The following PALS1 variants were observed in gnomAD, a reference collection of about 807,000 sequenced individuals.
PALS1 encodes the protein protein PALS1.
PALS1 carries 31 observed loss-of-function variants against 78.9 expected under a neutral mutation model. The observed-to-expected ratio is 0.39, with a 90% CI of 0.30 to 0.53. The LOEUF (loss-of-function observed/expected upper bound fraction) is 0.53. Among genes scored for constraint, PALS1 ranks in the 20% least tolerant of loss-of-function variants. PALS1 has a pLI of 0.67. For synonymous variants in PALS1, 276 were observed against 270.9 expected (o/e 1.02, Z -0.18); for missense variants, 704 against 826.5 (o/e 0.85, Z 1.82).
intron 13 of PALS1, among the ~76,000 whole-genome samples, chr14:67,322,841 A>G (rs1300915918): frequency 6.6e-6 from 1 of 152,202 alleles, no homozygotes; most frequent in African/African-American, 2.4e-5. Context: ...ATTTTGATAG[A>G]GCGTGTCAGT....
chr14:67,269,123 A>G (rs916995481), intron 1 of PALS1, among the ~76,000 whole-genome samples: 4 of 152,138 alleles, frequency 2.6e-5, no homozygotes, highest in African/African-American at 9.7e-5. Context: ...ATCATACAGT[A>G]TGTGGTCGTG....
rs1259757256 is a variant in PALS1 at position 67,302,464 on chromosome 14, G to C, written c.856G>C (p.Gly286Arg). Residue 286 changes from glycine (G) to arginine (R), a missense_variant, in exon 7 of 15, where the codon GGG (glycine) becomes CGG (arginine). Coordinates refer to ENST00000261681, the MANE Select transcript of PALS1 (RefSeq NM_022474.4). ...TGTCATCATTAGCCGGATAGTAAAAGGGGGTGCTGCAGAGAAAAGTGGTCT... is the reference window on the plus strand; with the variant it reads ...TGTCATCATTAGCCGGATAGTAAAACGGGGTGCTGCAGAGAAAAGTGGTCT... ...DSVIISRIVKGGAAEKSGLLH... is the reference protein window; with the variant it reads ...DSVIISRIVKRGAAEKSGLLH... The C allele has an allele frequency of 1.3e-6, 2 of 1,599,380 alleles. No homozygotes were observed. The highest frequency in any genetic ancestry group is 8.5e-7 in the Non-Finnish European group (1 of 1,172,754).
At chr14:67,284,838 A>G (rs2084661483) in intron 3 of PALS1, among the ~76,000 whole-genome samples, 1 of 152,028 alleles carries the variant, frequency 6.6e-6, no homozygotes, top group Non-Finnish European at 1.5e-5. Context: ...TTTCTTTTTT[A>G]TGGATGAATT....
intron 6 of PALS1, 102 bp from the exon 7 acceptor site, chr14:67,302,308 G>A (rs2084942793): frequency 9.2e-7 from 1 of 1,091,022 alleles, no homozygotes; most frequent in Non-Finnish European, 1.2e-6. Flanking sequence ...TAAGATAACT[G>A]AAGGTTAGTA....
At chr14:67,304,405 C>T (rs1397542643) in intron 8 of PALS1, among the ~76,000 whole-genome samples, 5 of 152,164 alleles carry the variant, frequency 3.3e-5, no homozygotes, top group Non-Finnish European at 7.3e-5. Context: ...AAATGTCTGT[C>T]AGGTGATGAA....
chr14:67,251,320 C>CCT lies in PALS1; in HGVS notation c.-237+9788_-237+9789insTC, dbSNP rs1429998992. ...GGCCGAGGCAGGAGGACCGCTTGAGCCCAGGAGTTTGAGACCAACCTGGGC... is the reference window on the plus strand; with the variant it reads ...GGCCGAGGCAGGAGGACCGCTTGAGCCTCCAGGAGTTTGAGACCAACCTGGGC... On this transcript the variant is annotated intron_variant, in intron 1 of 14. Coordinates refer to ENST00000261681, the MANE Select transcript of PALS1 (RefSeq NM_022474.4). Among the ~76,000 whole-genome samples, 3 of 152,238 alleles carry CCT rather than the reference C, an allele frequency of 2.0e-5. No individual in the cohort carries two copies. In the East Asian group the frequency reaches 5.8e-4, roughly 29 times the overall value.
rs115528162 is a variant in PALS1, at chr14:67,312,463, T to A, written c.1042-64T>A. ...TAATAAAAAATTTGTAGCATTTAAA[T>A]TGTATTCATATGAAACATTTTATAT... On this transcript the variant is annotated intron_variant, in intron 8 of 14. Transcript: ENST00000261681. 495 of 1,162,902 alleles carry A rather than the reference T, an allele frequency of 4.3e-4. 2 individuals carry two copies. In the African/African-American group the frequency reaches 7.1e-3, roughly 17 times the overall value. 72.0% of individuals were successfully genotyped at this position (1,162,902 alleles called of 1,614,324 possible).
At chr14:67,253,042 G>C (rs1478961888) in intron 1 of PALS1, among the ~76,000 whole-genome samples, 1 of 152,194 alleles carries the variant, frequency 6.6e-6, no homozygotes, top group Admixed American at 6.5e-5. Context: ...AGGCTTTACA[G>C]TGCAGTTACA....
At chr14:67,326,912 C>T (rs61990942) in intron 14 of PALS1, among the ~76,000 whole-genome samples, 8,494 of 152,314 alleles carry the variant, frequency 0.056, 352 homozygotes, top group Middle Eastern at 0.16. Flanking sequence ...CAGTGGCTCA[C>T]GCCTGTAATC....
rs2085490310 is a variant in PALS1, at chr14:67,334,004, C to G, written c.*1048C>G. 6.6e-6 allele frequency: 1 copy of G among 152,420 alleles called. No individual in the cohort carries two copies. The highest frequency in any genetic ancestry group is 1.5e-5 in the Non-Finnish European group (1 of 67,992). 9.4% of individuals were successfully genotyped at this position (152,420 alleles called of 1,614,324 possible). On this transcript the variant is annotated 3_prime_UTR_variant, in exon 15 of 15. Coordinates refer to ENST00000261681, the MANE Select transcript of PALS1 (RefSeq NM_022474.4). ...TGTATATTAATATTTAATAGATCAA[C>G]AAATGGTCATTGAAAACACTTGTTT...
At chr14:67,308,953 C>T (rs2085049740) in intron 8 of PALS1, among the ~76,000 whole-genome samples, 1 of 152,004 alleles carries the variant, frequency 6.6e-6, no homozygotes, top group Admixed American at 6.6e-5. Flanking sequence ...TATCCCTGTA[C>T]CCTATCCCCA....
Position 67,314,265 on chromosome 14 carries a change from C to A in PALS1, c.1225+1555C>A, listed in dbSNP as rs572939336. ...CATAGTAGGAACAGAGGAAGTTGTC[C>A]AAAGATTTTAGAATAAGTTATAAGG... On this transcript the variant is annotated intron_variant, in intron 9 of 14. Transcript: ENST00000261681. Among the ~76,000 whole-genome samples, 3 of 152,186 alleles carry A rather than the reference C, an allele frequency of 2.0e-5. No individual in the cohort carries two copies. In the East Asian group the frequency reaches 5.8e-4, roughly 29 times the overall value.
At chr14:67,320,063 G>T (rs1283527277) in intron 11 of PALS1, among the ~76,000 whole-genome samples, 167 bp from the exon 12 acceptor site, 1 of 152,160 alleles carries the variant, frequency 6.6e-6, no homozygotes, top group Non-Finnish European at 1.5e-5. Context: ...AAAATTAATA[G>T]AAGGAGTATT....
At chr14:67,295,138 C>T (rs10144401) in intron 4 of PALS1, among the ~76,000 whole-genome samples, 23,362 of 143,914 alleles carry the variant, frequency 0.16, 3,406 homozygotes, top group East Asian at 0.42. Context: ...TGTGTAAATA[C>T]ATGACAAAAA....
chr14:67,302,153 A>T, intron 6 of PALS1, 35 bp downstream of exon 6: 2 of 1,559,662 alleles, frequency 1.3e-6, no homozygotes, highest in Non-Finnish European at 1.7e-6. Context: ...AAACAAGTGC[A>T]TTTTTCTGCT....
chr14:67,332,988 T>A lies in PALS1; in HGVS notation c.*32T>A, dbSNP rs1313599429. 1.9e-6 allele frequency: 3 copies of A among 1,579,812 alleles called. No individual in the cohort carries two copies. In the African/African-American group the frequency reaches 4.0e-5, roughly 21 times the overall value. ...CATCCATTCTGTGGCATGTTGGACT[T>A]GATCTGGCAAAAACTGCCAATAGGA... On this transcript the variant is annotated 3_prime_UTR_variant, in exon 15 of 15. Coordinates refer to ENST00000261681, the MANE Select transcript of PALS1 (RefSeq NM_022474.4).
At chr14:67,298,597 G>A (rs181210144) in intron 4 of PALS1, among the ~76,000 whole-genome samples, 28 of 152,180 alleles carry the variant, frequency 1.8e-4, no homozygotes, top group African/African-American at 6.7e-4. Context: ...AATAAAGAAG[G>A]GGTATATACA....
intron 4 of PALS1, among the ~76,000 whole-genome samples, chr14:67,298,318 A>T (rs2084886149): frequency 6.6e-6 from 1 of 152,120 alleles, no homozygotes; most frequent in South Asian, 2.1e-4. Context: ...GTTCGAGACT[A>T]GTCTGGCCAA....
chr14:67,334,025 T>C lies in PALS1; in HGVS notation c.*1069T>C, dbSNP rs1188167359. 1 of 152,592 alleles carries C rather than the reference T, an allele frequency of 6.6e-6. No homozygotes were observed. Among genetic ancestry groups the C allele is most frequent in the Non-Finnish European group, 1.5e-5 (1 of 68,026 alleles). The allele number at this position is 152,592 out of a possible 1,614,324, so 9.5% of individuals were successfully genotyped here. ...TCAACAAATGGTCATTGAAAACACT[T>C]GTTTAGCATTAGAATAAAATTATAT... On this transcript the variant is annotated 3_prime_UTR_variant, in exon 15 of 15. Coordinates refer to ENST00000261681, the MANE Select transcript of PALS1 (RefSeq NM_022474.4).
Sources: gnomAD v4.1 joint callset for allele counts (sites outside exome capture counted in the v4.1 genomes callset) on GRCh38, gnomAD v4.1.1 for gene constraint, MANE v1.5 for transcripts, NCBI Gene and HGNC (gene_info 2026-07-23, HGNC 2026-07-21) for gene names.